Variants in NBAS observed in about 807,000 individuals in gnomAD.
The protein encoded by NBAS is NBAS subunit of NRZ tethering complex.
NBAS carries 219 observed loss-of-function variants against 302.5 expected under a neutral mutation model. The observed-to-expected ratio is 0.72, with a 90% CI of 0.65 to 0.81. The LOEUF is 0.81. Among genes scored for constraint, NBAS ranks in the 30% least tolerant of loss-of-function variants. The pLI is 0.00. For synonymous variants in NBAS, 1,118 were observed against 1,021.6 expected, an observed-to-expected ratio of 1.09 and a Z score of -1.80; for missense variants, 2,932 against 2,841.6, an observed-to-expected ratio of 1.03 and a Z score of -0.72.
the NBAS span, among the ~76,000 whole-genome samples, chr2:15,014,343 A>G: frequency 6.6e-6 from 1 of 152,186 alleles, no homozygotes; most frequent in Non-Finnish European, 1.5e-5. Context: ...CATAATATAC[A>G]TTCTTTTCAG....
chr2:14,894,572 T>C, the NBAS span, among the ~76,000 whole-genome samples: 2 of 151,818 alleles, frequency 1.3e-5, no homozygotes, highest in African/African-American at 4.8e-5. Context: ...ATAATATGAC[T>C]CCTCTGTGAG....
chr2:15,459,866 G>A (rs1679430419), intron 21 of NBAS, among the ~76,000 whole-genome samples: 1 of 152,082 alleles, frequency 6.6e-6, no homozygotes, highest in South Asian at 2.1e-4. Context: ...TATTCTCGCT[G>A]CTTACTGACC....
At chr2:15,126,076 T>C in the NBAS span, among the ~76,000 whole-genome samples, 4 of 152,174 alleles carry the variant, frequency 2.6e-5, no homozygotes, top group Admixed American at 1.3e-4. Context: ...TGGATTCTCA[T>C]GGCAGATCCC....
chr2:15,137,331 A>G, the NBAS span, among the ~76,000 whole-genome samples: 4 of 152,216 alleles, frequency 2.6e-5, no homozygotes, highest in African/African-American at 7.2e-5. Flanking sequence ...CCTCTTCTCT[A>G]GCAACAGATG....
the NBAS span, among the ~76,000 whole-genome samples, chr2:15,090,076 C>A: frequency 6.6e-6 from 1 of 152,120 alleles, no homozygotes; most frequent in African/African-American, 2.4e-5. Flanking sequence ...ATTCTGCAGG[C>A]CAAAAGCATA....
the NBAS span, among the ~76,000 whole-genome samples, chr2:14,866,882 T>C: frequency 1.3e-5 from 2 of 152,196 alleles, no homozygotes; most frequent in East Asian, 3.8e-4. Context: ...GTGGTATTCA[T>C]GCAATTCAGA....
chr2:15,339,139 G>A (rs1558548426), intron 35 of NBAS, among the ~76,000 whole-genome samples: 1 of 152,092 alleles, frequency 6.6e-6, no homozygotes, highest in Non-Finnish European at 1.5e-5. Context: ...AAAAAATAGA[G>A]GTGTATAAGG....
At chr2:15,492,765 GA>G (rs1680914906) in intron 11 of NBAS, among the ~76,000 whole-genome samples, 1 of 152,000 alleles carries the variant, frequency 6.6e-6, no homozygotes. Context: ...CTGGTCCGTA[GA>G]AACATTTCTG....
At chr2:15,298,834 C>T (rs943731869) in intron 40 of NBAS, among the ~76,000 whole-genome samples, 7 of 152,140 alleles carry the variant, frequency 4.6e-5, no homozygotes, top group South Asian at 2.1e-4. Flanking sequence ...GGGATGTGCA[C>T]GGGAAACACT....
At chr2:15,521,716 T>G (rs983000354) in intron 9 of NBAS, among the ~76,000 whole-genome samples, 25 of 152,186 alleles carry the variant, frequency 1.6e-4, no homozygotes, top group Non-Finnish European at 3.4e-4. Context: ...AAAACAACAA[T>G]GACATTTTGA....
chr2:14,993,199 A>G, the NBAS span, among the ~76,000 whole-genome samples: 5 of 152,116 alleles, frequency 3.3e-5, no homozygotes, highest in African/African-American at 4.8e-5. Context: ...AGAACCCTCC[A>G]TGCTCCCCAT....
At chr2:14,988,831 T>C in the NBAS span, among the ~76,000 whole-genome samples, 1 of 152,158 alleles carries the variant, frequency 6.6e-6, no homozygotes, top group East Asian at 1.9e-4. Context: ...CCCCTAGTAC[T>C]TGTGAAATTT....
At chr2:15,365,427 T>C (rs750743576) in intron 32 of NBAS, among the ~76,000 whole-genome samples, 2 of 152,174 alleles carry the variant, frequency 1.3e-5, no homozygotes, top group Non-Finnish European at 2.9e-5. Flanking sequence ...CATTTGGGCC[T>C]CTCCTAACTT....
chr2:15,433,298 A>G (rs1677848846), intron 21 of NBAS, among the ~76,000 whole-genome samples: 1 of 152,208 alleles, frequency 6.6e-6, no homozygotes, highest in Non-Finnish European at 1.5e-5. Context: ...TGAAAGAGGG[A>G]TAATAACAAT....
rs184436175 is a variant in NBAS at position 15,192,531 on chromosome 2, A to G, written c.6433-2128T>C. On this transcript the variant is annotated intron_variant, in intron 48 of 51. Coordinates refer to ENST00000281513, the MANE Select transcript of NBAS (RefSeq NM_015909.4). ...TTACTATTAAATTAAAAATCAGGAC[A>G]AAAGACGGCAGGTTTGCTAACATTA... Among the ~76,000 whole-genome samples the G allele has an allele frequency of 1.1e-4, 17 of 152,336 alleles. No individual in the cohort carries two copies. In the South Asian group the frequency reaches 2.5e-3, roughly 22 times the overall value.
At chr2:15,200,780 T>C (rs901106119) in intron 48 of NBAS, among the ~76,000 whole-genome samples, 11 of 152,184 alleles carry the variant, frequency 7.2e-5, no homozygotes, top group African/African-American at 2.7e-4. Context: ...AGAGTCACTG[T>C]CCTTGAAAAA....
intron 40 of NBAS, among the ~76,000 whole-genome samples, chr2:15,301,220 C>T (rs1670779823): frequency 6.6e-6 from 1 of 152,096 alleles, no homozygotes; most frequent in Admixed American, 6.5e-5. Flanking sequence ...CAGGTAAAGC[C>T]TGGAATCAGG....
At chr2:15,410,907 G>A (rs574456302) in intron 25 of NBAS, among the ~76,000 whole-genome samples, 39 of 152,306 alleles carry the variant, frequency 2.6e-4, no homozygotes, top group Non-Finnish European at 5.1e-4. Flanking sequence ...AGGTCTGGAA[G>A]ATGGGCATCT....
At chr2:14,877,567 GCA>G in the NBAS span, among the ~76,000 whole-genome samples, 1 of 152,198 alleles carries the variant, frequency 6.6e-6, no homozygotes, top group African/African-American at 2.4e-5. Flanking sequence ...CAACATGGGT[GCA>G]CCAGCCTTAA....
Sources: allele counts gnomAD v4.1 joint callset (sites outside exome capture counted in the v4.1 genomes callset), GRCh38; gene constraint gnomAD v4.1.1; transcripts MANE v1.5; gene names NCBI Gene and HGNC (gene_info 2026-07-23, HGNC 2026-07-21).